Variants in ADGRE1 observed in about 807,000 individuals in gnomAD.
ADGRE1 encodes the protein adhesion G protein-coupled receptor E1.
Under a neutral mutation model 102.7 loss-of-function variants are expected in ADGRE1, and 82 were observed. That is an observed-to-expected ratio of 0.80 (90% CI 0.67 to 0.96). The LOEUF (loss-of-function observed/expected upper bound fraction) is 0.96. Ranked by LOEUF, ADGRE1 falls within the 40% of genes least tolerant of loss-of-function variation. The pLI is 0.00. For synonymous variants in ADGRE1, 398 were observed against 399.6 expected, an observed-to-expected ratio of 1.00 and a Z score of 0.05; for missense variants, 1,032 against 1,085.3, an observed-to-expected ratio of 0.95 and a Z score of 0.69.
rs1454786677 is a variant in ADGRE1, at chr19:6,904,101, G to A, written c.868G>A (p.Gly290Ser). The change falls in exon 8 of 21, where the codon GGC becomes AGC. Residue 290 changes from glycine (G) to serine (S), a missense_variant. Physicochemically the swap from Gly to Ser is moderately conservative, Grantham distance 56. Transcript: ENST00000312053. Reference protein sequence around the residue: ...GPNSICTNALGSYSCGCIAGF... With the variant: ...GPNSICTNALSSYSCGCIAGF... The stretch of plus-strand genomic sequence containing the variant: ...TAATTCTATCTGCACCAATGCCCTG[G>A]GCTCCTACAGCTGTGGCTGCATTGC... 1 of 1,614,178 alleles carries A rather than the reference G, an allele frequency of 6.2e-7. No homozygotes were observed. The highest frequency in any genetic ancestry group is 1.7e-5 in the Admixed American group (1 of 60,024).
intron 5 of ADGRE1, among the ~76,000 whole-genome samples, chr19:6,899,740 T>C (rs996639206): frequency 6.6e-6 from 1 of 151,200 alleles, no homozygotes. Context: ...TCTGGGGAGA[T>C]TCTAAAGTCT....
At chr19:6,918,489 G>C (rs1163668343) in intron 12 of ADGRE1, among the ~76,000 whole-genome samples, 1 of 152,060 alleles carries the variant, frequency 6.6e-6, no homozygotes, top group Non-Finnish European at 1.5e-5. Flanking sequence ...TGATGTCTGG[G>C]GGGACATCCA....
At chr19:6,931,460 A>G (rs898371940) in intron 17 of ADGRE1, among the ~76,000 whole-genome samples, 2 of 152,198 alleles carry the variant, frequency 1.3e-5, no homozygotes, top group African/African-American at 4.8e-5. Flanking sequence ...TGACAACACG[A>G]GGGAGGGTCT....
chr19:6,902,665 T>A (rs1973814554), intron 6 of ADGRE1, among the ~76,000 whole-genome samples: 1 of 152,164 alleles, frequency 6.6e-6, no homozygotes, highest in Non-Finnish European at 1.5e-5. Context: ...GGTCTCAAAC[T>A]CCTGACCCCA....
intron 10 of ADGRE1, 79 bp downstream of exon 10, chr19:6,908,851 T>C (rs1193989351): frequency 7.4e-6 from 10 of 1,351,862 alleles, no homozygotes; most frequent in Non-Finnish European, 4.1e-6. Flanking sequence ...GATGTCTTTA[T>C]GGCTGGGCGT....
intron 10 of ADGRE1, among the ~76,000 whole-genome samples, chr19:6,911,831 T>C (rs1974201722): frequency 6.7e-6 from 1 of 148,494 alleles, no homozygotes; most frequent in Admixed American, 6.7e-5. Flanking sequence ...TACAAATGCA[T>C]ACACACACAC....
intron 16 of ADGRE1, among the ~76,000 whole-genome samples, chr19:6,927,244 TCCTC>T (rs1261915643): frequency 8.0e-4 from 96 of 119,284 alleles, no homozygotes; most frequent in South Asian, 4.9e-3. Context: ...CCTCCTTCCT[TCCTC>T]CCTCCCTCCC....
At chr19:6,892,350 T>G (rs1973410828) in intron 2 of ADGRE1, among the ~76,000 whole-genome samples, 1 of 152,246 alleles carries the variant, frequency 6.6e-6, no homozygotes, top group Non-Finnish European at 1.5e-5. Flanking sequence ...TTTTTAGTTT[T>G]TCCATACTCC....
chr19:6,887,725 G>A (rs3826782), intron 1 of ADGRE1, 86 bp downstream of exon 1: 134,252 of 1,429,386 alleles, frequency 0.094, 8,009 homozygotes, highest in East Asian at 0.28. Flanking sequence ...GGATGGTCCA[G>A]CCAAGAGATC....
At chr19:6,930,940 C>G (rs774658207) in intron 17 of ADGRE1, among the ~76,000 whole-genome samples, 9 of 151,902 alleles carry the variant, frequency 5.9e-5, no homozygotes, top group Non-Finnish European at 1.3e-4. Context: ...TGTCCAGCCT[C>G]TCCTGGTTAT....
chr19:6,935,900 G>A (rs978680376), intron 18 of ADGRE1, among the ~76,000 whole-genome samples: 1 of 152,146 alleles, frequency 6.6e-6, no homozygotes, highest in African/African-American at 2.4e-5. Flanking sequence ...TTTAATGCGT[G>A]AAATATTCTA....
chr19:6,933,462 A>G (rs1365591815), intron 17 of ADGRE1, among the ~76,000 whole-genome samples: 1 of 146,154 alleles, frequency 6.8e-6, no homozygotes, highest in Non-Finnish European at 1.5e-5. Flanking sequence ...ATCTCTGCTC[A>G]TTGAAAGCTC....
chr19:6,891,604 C>A (rs937284571), intron 2 of ADGRE1, among the ~76,000 whole-genome samples: 1 of 152,008 alleles, frequency 6.6e-6, no homozygotes, highest in South Asian at 2.1e-4. Flanking sequence ...CAGGCGCCCG[C>A]CACCACGCCT....
At chr19:6,896,670 A>C in intron 3 of ADGRE1, 129 bp downstream of exon 3, 4 of 1,080,358 alleles carry the variant, frequency 3.7e-6, no homozygotes, top group Non-Finnish European at 3.9e-6. Context: ...ATATATTTTA[A>C]GTGGAGTATT....
intron 2 of ADGRE1, among the ~76,000 whole-genome samples, chr19:6,892,037 C>T (rs1334085761): frequency 6.6e-6 from 1 of 151,962 alleles, no homozygotes; most frequent in Non-Finnish European, 1.5e-5. Context: ...GTTACTCTGA[C>T]CTTGGTGGGT....
chr19:6,918,310 G>A (rs552518334), intron 12 of ADGRE1, among the ~76,000 whole-genome samples: 8 of 151,646 alleles, frequency 5.3e-5, no homozygotes, highest in Non-Finnish European at 8.8e-5. Context: ...GTGTGGTCTC[G>A]GGTGCCTGTA....
At chr19:6,909,292 G>A (rs1208620071) in intron 10 of ADGRE1, among the ~76,000 whole-genome samples, 27 of 152,106 alleles carry the variant, frequency 1.8e-4, no homozygotes, top group Admixed American at 1.8e-3. Context: ...GAATAGACTT[G>A]TTGAACTACC....
In ADGRE1 at chr19:6,909,471, T is replaced by C. The variant is rs192208521; in HGVS notation, c.1122+699T>C. Among the ~76,000 whole-genome samples, 79 of 152,320 alleles carry C rather than the reference T, an allele frequency of 5.2e-4. 1 individual carries two copies. The highest frequency in any genetic ancestry group is 8.8e-5 in the Non-Finnish European group (6 of 68,024). On this transcript the variant is annotated intron_variant, in intron 10 of 20. Coordinates refer to ENST00000312053, the MANE Select transcript of ADGRE1 (RefSeq NM_001974.5). ...GTTATATAAATGAAACCACATAGTA[T>C]GTGGTCTTTTGAGACTGGCTTCTTT...
chr19:6,895,180 T>G (rs1310406160), intron 2 of ADGRE1: 1 of 152,260 alleles, frequency 6.6e-6, no homozygotes, highest in East Asian at 1.9e-4. Context: ...CACCCCAGTC[T>G]GTCCATCTTC....
Sources: allele counts gnomAD v4.1 joint callset (sites outside exome capture counted in the v4.1 genomes callset), GRCh38; gene constraint gnomAD v4.1.1; transcripts MANE v1.5; gene names NCBI Gene and HGNC (gene_info 2026-07-23, HGNC 2026-07-21).